MEG3: variants seen among roughly 807,000 people sequenced by gnomAD.
MEG3 encodes Very putative protein from MEG3 locus.
upstream of MEG3, chr14:100,852,339 G>A (rs772532366): frequency 1.9e-5 from 10 of 532,532 alleles, no homozygotes; most frequent in African/African-American, 9.6e-5. Context: ...AGCTCCGGCC[G>A]AGTGGATGGC....
intron 3 of MEG3, chr14:100,846,849 C>T (rs2037931600): frequency 6.6e-6 from 1 of 152,050 alleles, no homozygotes; most frequent in African/African-American, 2.4e-5. Flanking sequence ...ATGCCTCTGA[C>T]ATTTGACAAT....
chr14:100,843,846 T>C (rs1270801582), intron 2 of MEG3, among the ~76,000 whole-genome samples: 1 of 146,974 alleles, frequency 6.8e-6, no homozygotes, highest in Non-Finnish European at 1.5e-5. Context: ...TTTTTTTTTT[T>C]TTTTTTTTTT....
chr14:100,828,342 CCT>C (rs2037306296), intron 1 of MEG3, among the ~76,000 whole-genome samples: 1 of 151,732 alleles, frequency 6.6e-6, no homozygotes, highest in African/African-American at 2.4e-5. Flanking sequence ...CCCTCCCACT[CCT>C]CTCCTCCACC....
chr14:100,837,902 G>T lies in MEG3; in HGVS notation n.3045+1602G>T, dbSNP rs12586414. Among the ~76,000 whole-genome samples the T allele has an allele frequency of 0.2, 29,624 of 151,898 alleles. 3,029 individuals are homozygous for T. The highest frequency in any genetic ancestry group is 0.26 in the Admixed American group (3,931 of 15,274). On this transcript the variant is annotated intron_variant and non_coding_transcript_variant, in intron 2 of 3. Transcript: ENST00000398461. The surrounding 1 kb of genome is among the most constrained non-coding windows in gnomAD (Gnocchi z 5.8). ...TTTCTGCTCTCTGGAGAGCCCCAGA[G>T]CCTGGAGAGACGGGGAGGGGAGTGT...
exon 2 of MEG3, chr14:100,836,251 G>A (rs1027470616): frequency 2.6e-5 from 12 of 456,466 alleles, no homozygotes; most frequent in South Asian, 4.6e-5. Flanking sequence ...CCACCATCCC[G>A]GACCCAAGTC....
intron 2 of MEG3, among the ~76,000 whole-genome samples, chr14:100,838,881 C>T (rs1264265949): frequency 6.6e-6 from 1 of 152,122 alleles, no homozygotes; most frequent in East Asian, 1.9e-4. Context: ...CTCTCACCTG[C>T]GAGTTGCTCA....
chr14:100,855,878 C>G (rs533844451), upstream of MEG3: 1 of 152,204 alleles, frequency 6.6e-6, no homozygotes, highest in East Asian at 1.9e-4. Context: ...GACTTTGTCC[C>G]CTGTACAACT....
exon 1 of MEG3, chr14:100,834,413 C>T (rs901456993): frequency 3.6e-6 from 1 of 276,642 alleles, no homozygotes; most frequent in Non-Finnish European, 7.1e-6. Context: ...GCCCAAGGCT[C>T]CTGGAGCCCT....
intron 1 of MEG3, among the ~76,000 whole-genome samples, chr14:100,860,523 G>C (rs914101317): frequency 1.3e-5 from 2 of 152,116 alleles, no homozygotes; most frequent in African/African-American, 4.8e-5. Context: ...TAGACAGGCC[G>C]AGCTGGTGGC....
At chr14:100,852,149 G>T (rs1306269119) in intron 3 of MEG3, 1 of 359,662 alleles carries the variant, frequency 2.8e-6, no homozygotes, top group Non-Finnish European at 5.6e-6. Flanking sequence ...TGACTCTGTA[G>T]ACGCTGGGTG....
intron 2 of MEG3, among the ~76,000 whole-genome samples, chr14:100,842,579 A>T (rs935407600): frequency 6.6e-6 from 1 of 152,172 alleles, no homozygotes; most frequent in African/African-American, 2.4e-5. Flanking sequence ...AACAGGTAGG[A>T]AGTACGAGAT....
chr14:100,860,764 C>A, exon 2 of MEG3: 1 of 454,400 alleles, frequency 2.2e-6, no homozygotes, highest in Non-Finnish European at 4.4e-6. Flanking sequence ...GGACCCGGGG[C>A]CTCCCCTTGA....
chr14:100,860,467 G>A (rs188760667), intron 1 of MEG3: 33 of 358,600 alleles, frequency 9.2e-5, no homozygotes, highest in South Asian at 4.7e-4. Context: ...CAAGTGGGCC[G>A]AGTCTAAGGT....
intron 1 of MEG3, among the ~76,000 whole-genome samples, chr14:100,827,707 T>C (rs1260702598): frequency 6.6e-6 from 1 of 152,126 alleles, no homozygotes; most frequent in Non-Finnish European, 1.5e-5. Flanking sequence ...TGTTGATGCC[T>C]GGGGGCGAAG....
chr14:100,836,672 A>T (rs2037592494), intron 2 of MEG3, among the ~76,000 whole-genome samples: 1 of 151,790 alleles, frequency 6.6e-6, no homozygotes, highest in African/African-American at 2.4e-5. Context: ...CCCTGCCCAC[A>T]CCCGGCCCAG....
rs3783353 is a variant in MEG3 at position 100,837,300 on chromosome 14, T to C, written n.3045+1000T>C. On this transcript the variant is annotated intron_variant and non_coding_transcript_variant, in intron 2 of 3. Transcript: ENST00000398461. This position sits in a 1 kb window ranked among gnomAD's most constrained non-coding sequence, Gnocchi z 5.8. ...TGAGTCTGTGGCTCACTCAGGGCGA[T>C]GGGGTGTTTTTAGAGCCACTGCCCT... Among the ~76,000 whole-genome samples the C allele has an allele frequency of 0.23, 35,430 of 152,084 alleles. 4,422 individuals are homozygous for C. Among genetic ancestry groups the C allele is most frequent in the Admixed American group, 0.31 (4,730 of 15,284 alleles).
intron 2 of MEG3, among the ~76,000 whole-genome samples, chr14:100,836,510 AC>A (rs2037586313): frequency 6.6e-6 from 1 of 151,832 alleles, no homozygotes; most frequent in Non-Finnish European, 1.5e-5. Flanking sequence ...GTGGGGGTCC[AC>A]CCTGGCTGAT....
At chr14:100,840,330 C>T (rs925110437) in intron 2 of MEG3, among the ~76,000 whole-genome samples, 8 of 152,124 alleles carry the variant, frequency 5.3e-5, no homozygotes, top group Admixed American at 2.0e-4. Flanking sequence ...GGAGGAGACT[C>T]TTAGCCTGGG....
upstream of MEG3, chr14:100,852,545 G>A: frequency 2.3e-6 from 1 of 427,224 alleles, no homozygotes; most frequent in Non-Finnish European, 4.7e-6. Flanking sequence ...AGGTCTGGGG[G>A]TGCACTTATT....
Sources: gnomAD v4.1 joint callset for allele counts (sites outside exome capture counted in the v4.1 genomes callset) on GRCh38, gnomAD v4.1.1 for gene constraint, Gnocchi (gnomAD v3.1) non-coding constraint, MANE v1.5 for transcripts, NCBI Gene and HGNC (gene_info 2026-07-23, HGNC 2026-07-21) for gene names.